Variants in JDP2 observed in about 807,000 individuals in gnomAD.
JDP2 encodes the protein progesterone receptor co-activator.
In JDP2, 9 loss-of-function variants were observed where a neutral mutation model predicts 17.1. That is an observed-to-expected ratio of 0.53 (90% CI 0.32 to 0.92). The LOEUF (loss-of-function observed/expected upper bound fraction) is 0.92. JDP2 is among the 40% of genes least tolerant of loss of function. JDP2 has a pLI of 0.04. For missense variants in JDP2, 179 were observed against 220.0 expected, an observed-to-expected ratio of 0.81 and a Z score of 1.18; for synonymous variants, 107 against 95.6, an observed-to-expected ratio of 1.12 and a Z score of -0.69.
At chr14:75,453,898 T>C (rs1359484026) in intron 2 of JDP2, among the ~76,000 whole-genome samples, 1 of 152,196 alleles carries the variant, frequency 6.6e-6, no homozygotes, top group African/African-American at 2.4e-5. Context: ...GGTTTTTCTT[T>C]TGTGTCCATT....
intron 3 of JDP2, among the ~76,000 whole-genome samples, chr14:75,466,432 C>T (rs1259827757): frequency 6.6e-6 from 1 of 152,122 alleles, no homozygotes; most frequent in Non-Finnish European, 1.5e-5. Flanking sequence ...CAGAGTGAGA[C>T]TCTGTTTCAA....
At chr14:75,453,265 C>T (rs913795839) in intron 2 of JDP2, among the ~76,000 whole-genome samples, 28 of 152,224 alleles carry the variant, frequency 1.8e-4, no homozygotes, top group Non-Finnish European at 4.0e-4. Flanking sequence ...TGTTTACTTC[C>T]CAGGGTGCTC....
intron 3 of JDP2, among the ~76,000 whole-genome samples, chr14:75,465,875 A>G (rs1886551289): frequency 6.6e-6 from 1 of 152,250 alleles, no homozygotes; most frequent in Admixed American, 6.5e-5. Context: ...CTCTGGGGCA[A>G]TAAATATCTA....
chr14:75,430,403 T>C lies in JDP2; in HGVS notation c.-24+2151T>C, dbSNP rs1884743265. 6.6e-6 allele frequency among the ~76,000 whole-genome samples: 1 copy of C among 152,242 alleles called. No individual in the cohort carries two copies. The highest frequency in any genetic ancestry group is 1.5e-5 in the Non-Finnish European group (1 of 68,046). On this transcript the variant is annotated intron_variant, in intron 1 of 3. Transcript: ENST00000651602. The surrounding 1 kb of genome is among the most constrained non-coding windows in gnomAD (Gnocchi z 4.5). ...TCTTTTCTGCCTTTCTGCTGCAGGA[T>C]GCAGTTTGCTTTTTTTCCATGCGAA...
chr14:75,437,878 T>C lies in JDP2; in HGVS notation c.-23-20T>C, dbSNP rs989996822. 3 of 1,547,512 alleles carry C rather than the reference T, an allele frequency of 1.9e-6. No individual in the cohort carries two copies. Among genetic ancestry groups the C allele is most frequent in the Non-Finnish European group, 2.6e-6 (3 of 1,142,702 alleles). ...CCCCCAACCTGGCTGACTGTCCTGC[T>C]CTTTTCCTGCCCACTCCAGGCTGGC... On this transcript the variant is annotated intron_variant, in intron 1 of 3. Coordinates refer to ENST00000651602, the MANE Select transcript of JDP2 (RefSeq NM_001135048.2).
chr14:75,460,977 C>T (rs1566746940), intron 2 of JDP2, among the ~76,000 whole-genome samples: 2 of 152,180 alleles, frequency 1.3e-5, no homozygotes, highest in Non-Finnish European at 2.9e-5. Flanking sequence ...CTTGCTGCAT[C>T]ATCCTAGGGC....
chr14:75,447,655 T>C (rs896007873), intron 2 of JDP2, among the ~76,000 whole-genome samples: 7 of 152,098 alleles, frequency 4.6e-5, no homozygotes, highest in South Asian at 2.1e-4. Flanking sequence ...ATCTATTATC[T>C]GTCTATGTTT....
intron 2 of JDP2, among the ~76,000 whole-genome samples, chr14:75,450,742 G>A (rs1270117988): frequency 6.6e-6 from 1 of 152,228 alleles, no homozygotes; most frequent in Non-Finnish European, 1.5e-5. Flanking sequence ...TGTGGATCAG[G>A]CCTCCCTTCC....
intron 3 of JDP2, among the ~76,000 whole-genome samples, chr14:75,462,981 A>G (rs552763713): frequency 6.6e-6 from 1 of 152,198 alleles, no homozygotes; most frequent in Non-Finnish European, 1.5e-5. Context: ...TTCAAGATGG[A>G]TGAAGTGCCA....
At chr14:75,435,575 C>G (rs1017720441) in intron 1 of JDP2, among the ~76,000 whole-genome samples, 1 of 152,182 alleles carries the variant, frequency 6.6e-6, no homozygotes, top group African/African-American at 2.4e-5. Context: ...GGTCTAGAAC[C>G]CTGGGACCAG....
At chr14:75,441,328 C>G (rs182267652) in intron 2 of JDP2, among the ~76,000 whole-genome samples, 1 of 152,306 alleles carries the variant, frequency 6.6e-6, no homozygotes, top group East Asian at 1.9e-4. Flanking sequence ...TTATAAAGTG[C>G]TTTGTGCTGA....
At chr14:75,452,296 C>T (rs1387064319) in intron 2 of JDP2, among the ~76,000 whole-genome samples, 4 of 152,214 alleles carry the variant, frequency 2.6e-5, no homozygotes, top group Non-Finnish European at 5.9e-5. Flanking sequence ...CGGGCAGACA[C>T]TCCACCTCGC....
At position 75,437,935 on chromosome 14, in the gene JDP2, G is replaced by A. The variant is rs763962974; in HGVS notation, c.15G>A (p.Gln5=). 2 of 1,611,152 alleles carry A rather than the reference G, an allele frequency of 1.2e-6. No individual in the cohort carries two copies. Among genetic ancestry groups the A allele is most frequent in the Non-Finnish European group, 1.7e-6 (2 of 1,178,936 alleles). The change falls in exon 2 of 4, where the codon CAG becomes CAA. Residue 5 remains glutamine, a synonymous_variant. Transcript: ENST00000651602. ...CTCCTCCTGCTATGATGCCTGGGCA[G>A]ATCCCGGACCCTTCGGTGACCACAG... MMPG[Q]IPDPSVTTGS...
At chr14:75,457,383 C>G (rs546688335) in intron 2 of JDP2, among the ~76,000 whole-genome samples, 36 of 152,352 alleles carry the variant, frequency 2.4e-4, no homozygotes, top group Non-Finnish European at 4.4e-4. Flanking sequence ...TCTAGGGGTA[C>G]AGATGGCACA....
intron 2 of JDP2, among the ~76,000 whole-genome samples, chr14:75,458,947 ACCTGGGC>A (rs1474635572): frequency 2.0e-5 from 3 of 152,196 alleles, no homozygotes; most frequent in Non-Finnish European, 4.4e-5. Flanking sequence ...GCGGCCCCTG[ACCTGGGC>A]CTCAGCCTGG....
chr14:75,445,098 G>A, intron 2 of JDP2: 1 of 985,302 alleles, frequency 1.0e-6, no homozygotes, highest in South Asian at 4.7e-5. Flanking sequence ...AGGTCCACCG[G>A]CAACATGGAC....
At chr14:75,455,838 C>T (rs994001787) in intron 2 of JDP2, among the ~76,000 whole-genome samples, 1 of 152,166 alleles carries the variant, frequency 6.6e-6, no homozygotes, top group Non-Finnish European at 1.5e-5. Flanking sequence ...TTAAATAAAC[C>T]CCTGTTTCCT....
At position 75,471,799 on chromosome 14, in the gene JDP2, G is replaced by T; in HGVS notation, c.*2324G>T. ...GGGTCTTGAGGCTGTCGGTCCGGAC[G>T]ATGCAGGTGAGGCAGTGTCAGTTCT... On this transcript the variant is annotated 3_prime_UTR_variant, in exon 4 of 4. Coordinates refer to ENST00000651602, the MANE Select transcript of JDP2 (RefSeq NM_001135048.2). The T allele has an allele frequency of 1.3e-5, 2 of 157,426 alleles. No individual in the cohort carries two copies. The highest frequency in any genetic ancestry group is 1.7e-4 in the South Asian group (1 of 5,750). The allele number at this position is 157,426 out of a possible 1,614,324, so 9.8% of individuals were successfully genotyped here.
intron 2 of JDP2, among the ~76,000 whole-genome samples, chr14:75,443,782 A>T (rs1594954734): frequency 6.6e-6 from 1 of 152,096 alleles, no homozygotes; most frequent in Non-Finnish European, 1.5e-5. Context: ...ACGTGGCTGG[A>T]TCTCTATGTC....
Sources: gnomAD v4.1 joint callset for allele counts (sites outside exome capture counted in the v4.1 genomes callset) on GRCh38, gnomAD v4.1.1 for gene constraint, Gnocchi (gnomAD v3.1) non-coding constraint, MANE v1.5 for transcripts, NCBI Gene and HGNC (gene_info 2026-07-23, HGNC 2026-07-21) for gene names.